NAA11: variants seen among roughly 807,000 people sequenced by gnomAD.
The protein encoded by NAA11 is N-alpha-acetyltransferase 11.
NAA11 carries 15 observed loss-of-function variants against 16.1 expected under a neutral mutation model. The observed-to-expected ratio is 0.93, with a 90% CI of 0.62 to 1.44. The LOEUF is 1.44. NAA11 is among the 40% of genes most tolerant of loss of function. NAA11 has a pLI of 0.00. For synonymous variants in NAA11, 122 were observed against 112.4 expected (o/e 1.09, Z -0.54); for missense variants, 298 against 291.3 (o/e 1.02, Z -0.17).
At chr4:79,301,173 C>A (rs1299648928) in intron 1 of NAA11, among the ~76,000 whole-genome samples, 5 of 152,176 alleles carry the variant, frequency 3.3e-5, no homozygotes, top group Non-Finnish European at 5.9e-5. Flanking sequence ...AAAATGCCTG[C>A]CACAGAGTAA....
the NAA11 span, among the ~76,000 whole-genome samples, chr4:79,207,388 A>AAAT: frequency 6.7e-6 from 1 of 149,416 alleles, no homozygotes; most frequent in African/African-American, 2.4e-5. Context: ...AAAAAAAAAA[A>AAAT]GGAGAGTTCT....
At chr4:79,257,268 A>C (rs1722136760) in intron 2 of NAA11, among the ~76,000 whole-genome samples, 1 of 151,902 alleles carries the variant, frequency 6.6e-6, no homozygotes, top group Non-Finnish European at 1.5e-5. Flanking sequence ...AATGCTCACC[A>C]CCAGTCTTTT....
At chr4:79,310,821 G>C (rs115826816) in intron 1 of NAA11, among the ~76,000 whole-genome samples, 1,792 of 152,276 alleles carry the variant, frequency 0.012, 20 homozygotes, top group Non-Finnish European at 0.018. Flanking sequence ...TTTATTGACC[G>C]ATAGATTTAA....
the NAA11 span, among the ~76,000 whole-genome samples, chr4:79,171,188 A>G: frequency 2.0e-5 from 3 of 152,176 alleles, no homozygotes; most frequent in African/African-American, 4.8e-5. Flanking sequence ...GACTTTTAAT[A>G]GGTGATTAGG....
chr4:79,263,235 T>C (rs1417182770), intron 2 of NAA11, among the ~76,000 whole-genome samples: 1 of 152,174 alleles, frequency 6.6e-6, no homozygotes, highest in South Asian at 2.1e-4. Context: ...GTACAAGATA[T>C]GGATGACATT....
At chr4:79,318,439 T>C (rs1723993279) in intron 1 of NAA11, among the ~76,000 whole-genome samples, 1 of 152,278 alleles carries the variant, frequency 6.6e-6, no homozygotes, top group East Asian at 1.9e-4. Flanking sequence ...ATATGGGTAA[T>C]TTGAGAGGTC....
the NAA11 span, among the ~76,000 whole-genome samples, chr4:79,187,639 A>G: frequency 6.6e-6 from 1 of 152,110 alleles, no homozygotes; most frequent in Non-Finnish European, 1.5e-5. Context: ...AGATGTGTTT[A>G]TTTCTCTAAC....
chr4:79,272,420 T>C (rs751154636), intron 2 of NAA11, among the ~76,000 whole-genome samples: 6 of 152,046 alleles, frequency 3.9e-5, no homozygotes, highest in Non-Finnish European at 7.4e-5. Context: ...GTGATTTGAA[T>C]TGATATCCTG....
chr4:79,172,673 T>C, the NAA11 span, among the ~76,000 whole-genome samples: 1 of 152,148 alleles, frequency 6.6e-6, no homozygotes, highest in Admixed American at 6.6e-5. Flanking sequence ...TTACCTGGGG[T>C]AGCTTTTTCA....
chr4:79,195,003 A>G, the NAA11 span, among the ~76,000 whole-genome samples: 1 of 152,092 alleles, frequency 6.6e-6, no homozygotes, highest in Non-Finnish European at 1.5e-5. Flanking sequence ...CAAATCTTCA[A>G]GAGAGCAGAG....
chr4:79,292,815 T>C (rs1723117870), intron 2 of NAA11, among the ~76,000 whole-genome samples: 2 of 152,332 alleles, frequency 1.3e-5, no homozygotes, highest in South Asian at 4.1e-4. Flanking sequence ...TCTGTGGCTT[T>C]ATAGGATTAT....
At chr4:79,312,825 G>A (rs2110011968), downstream of NAA11, among the ~76,000 whole-genome samples, 1 of 152,154 alleles carries the variant, frequency 6.6e-6, no homozygotes, top group East Asian at 1.9e-4. Flanking sequence ...AAAAATTTTG[G>A]TCACTGTGTG....
rs35787469 is a variant in NAA11 at position 79,324,002 on chromosome 4, C to CA, written c.*12+1173dup. 8.1e-3 allele frequency among the ~76,000 whole-genome samples: 952 copies of CA among 118,112 alleles called. 11 individuals carry two copies. Among genetic ancestry groups the CA allele is most frequent in the African/African-American group, 0.022 (692 of 31,144 alleles). 77.5% of individuals were successfully genotyped at this position (118,112 alleles called of 152,430 possible). ...TGGGCGACAGAACGAGACTCTGTCT[C>CA]AAAAAAAAAAAAAAAAAGTACAGTA... On this transcript the variant is annotated intron_variant, in intron 1 of 1. Transcript: ENST00000286794.
the NAA11 span, among the ~76,000 whole-genome samples, chr4:79,191,024 A>G: frequency 6.6e-6 from 1 of 152,182 alleles, no homozygotes; most frequent in Non-Finnish European, 1.5e-5. Flanking sequence ...ATGGCTGCAT[A>G]GTATTCCATG....
chr4:79,279,024 T>G (rs1038658272), intron 2 of NAA11, among the ~76,000 whole-genome samples: 2 of 151,984 alleles, frequency 1.3e-5, no homozygotes, highest in African/African-American at 4.8e-5. Context: ...ATTAATCCAT[T>G]CATGAGGGTA....
At chr4:79,167,794 A>G in the NAA11 span, among the ~76,000 whole-genome samples, 8 of 152,180 alleles carry the variant, frequency 5.3e-5, no homozygotes, top group East Asian at 1.9e-4. Flanking sequence ...AGGGGAAGCC[A>G]GCACTTCACA....
At chr4:79,215,927 A>T in the NAA11 span, among the ~76,000 whole-genome samples, 1 of 152,194 alleles carries the variant, frequency 6.6e-6, no homozygotes. Context: ...GTATTTTTAG[A>T]AGAATTATAT....
At chr4:79,265,366 A>G (rs575225336) in intron 2 of NAA11, among the ~76,000 whole-genome samples, 1 of 152,108 alleles carries the variant, frequency 6.6e-6, no homozygotes, top group Non-Finnish European at 1.5e-5. Flanking sequence ...TTCTCTTAAA[A>G]CTTAAGTCCA....
the NAA11 span, among the ~76,000 whole-genome samples, chr4:79,200,784 C>T: frequency 6.6e-6 from 1 of 151,760 alleles, no homozygotes; most frequent in Non-Finnish European, 1.5e-5. Flanking sequence ...TTCACTCATG[C>T]AACTCACAGT....
Sources: gnomAD v4.1 joint callset for allele counts (sites outside exome capture counted in the v4.1 genomes callset) on GRCh38, gnomAD v4.1.1 for gene constraint, MANE v1.5 for transcripts, NCBI Gene and HGNC (gene_info 2026-07-23, HGNC 2026-07-21) for gene names.